Variants in PPP4R3A observed in about 807,000 individuals in gnomAD.
The protein encoded by PPP4R3A is protein phosphatase 4 regulatory subunit 3A, also known as serine/threonine-protein phosphatase 4 regulatory subunit 3A.
PPP4R3A carries 15 observed loss-of-function variants against 91.7 expected under a neutral mutation model. The ratio of observed to expected loss-of-function variants is 0.16; its 90% confidence interval spans 0.11 to 0.25. The LOEUF is 0.25. PPP4R3A is among the 10% of genes least tolerant of loss of function. The probability of loss-of-function intolerance (pLI) is 1.00; values close to 1 mark genes in which losing one functional copy is unlikely to be tolerated. For missense variants in PPP4R3A, 623 were observed against 998.4 expected (o/e 0.62, Z 5.07); for synonymous variants, 377 against 348.7 (o/e 1.08, Z -0.91).
At chr14:91,488,938 C>T (rs977185905) in intron 2 of PPP4R3A, among the ~76,000 whole-genome samples, 1 of 133,904 alleles carries the variant, frequency 7.5e-6, no homozygotes, top group African/African-American at 2.9e-5. Flanking sequence ...GATGGAGTCT[C>T]GCTCTGTCGC....
At position 91,477,718 on chromosome 14, in the gene PPP4R3A, G is replaced by A. The variant is rs566982444; in HGVS notation, c.916-732C>T. On this transcript the variant is annotated intron_variant, in intron 4 of 14. Transcript: ENST00000554943. ...AGGTAGAGCACAGTGGTGCCATCTCGGCTCACTGCAACCTCCGCCTCCCAG... is the reference window on the plus strand; with the variant it reads ...AGGTAGAGCACAGTGGTGCCATCTCAGCTCACTGCAACCTCCGCCTCCCAG... 3.9e-5 allele frequency among the ~76,000 whole-genome samples: 6 copies of A among 152,184 alleles called. No individual in the cohort carries two copies. The South Asian group carries it at 1.2e-3, about 32-fold the overall frequency.
chr14:91,507,434 A>ATTATATATACTATAG (rs1566660404), intron 1 of PPP4R3A, among the ~76,000 whole-genome samples: 994 of 80,712 alleles, frequency 0.012, 97 homozygotes, highest in African/African-American at 0.047. Flanking sequence ...ATATACTATA[A>ATTATATATACTATAG]TTATATATAC....
chr14:91,461,646 TTC>T, intron 13 of PPP4R3A, 39 bp from the exon 14 acceptor site: 3 of 1,580,958 alleles, frequency 1.9e-6, no homozygotes, highest in South Asian at 1.1e-5. Context: ...TCCCCCATAC[TTC>T]TTTTTTAAAT....
At chr14:91,476,648 C>A in intron 5 of PPP4R3A, 124 bp from the exon 6 acceptor site, 1 of 712,620 alleles carries the variant, frequency 1.4e-6, no homozygotes, top group South Asian at 2.0e-5. Flanking sequence ...TCACTGCAAC[C>A]TCCACCTCCC....
rs1315914514 is a variant in PPP4R3A, at chr14:91,507,435, TTATATATACTATATAG to T, written c.142+2055_142+2070del. 8.6e-3 allele frequency among the ~76,000 whole-genome samples: 1,076 copies of T among 124,496 alleles called. 65 individuals are homozygous for T. The highest frequency in any genetic ancestry group is 0.038 in the African/African-American group (1,009 of 26,380). The allele number at this position is 124,496 out of a possible 152,430, so 81.7% of individuals were successfully genotyped here. A position where few individuals can be genotyped will look rare whatever the true frequency, so the allele number is the denominator to read the frequency against. On this transcript the variant is annotated intron_variant, in intron 1 of 14. Coordinates refer to ENST00000554943, the MANE Select transcript of PPP4R3A (RefSeq NM_001366432.2). ...ATACTATATAATATATATACTATAA[TTATATATACTATATAG>T]TATATATACTATAATTATATATACT...
chr14:91,505,298 C>A (rs977492387), intron 1 of PPP4R3A, among the ~76,000 whole-genome samples: 20 of 152,036 alleles, frequency 1.3e-4, no homozygotes, highest in Non-Finnish European at 2.9e-5. Context: ...ACTAAAAACA[C>A]AAAAATTAGC....
chr14:91,462,669 A>G (rs1398946695), intron 12 of PPP4R3A, 66 bp downstream of exon 12: 1 of 1,563,538 alleles, frequency 6.4e-7, no homozygotes, highest in African/African-American at 1.4e-5. Flanking sequence ...AATATCAAAT[A>G]AACAATAAAG....
intron 1 of PPP4R3A, among the ~76,000 whole-genome samples, chr14:91,492,653 T>C (rs1890296221): frequency 6.6e-6 from 1 of 152,232 alleles, no homozygotes; most frequent in African/African-American, 2.4e-5. Flanking sequence ...TTAAGGTAAC[T>C]AAACATTCAC....
intron 10 of PPP4R3A, among the ~76,000 whole-genome samples, chr14:91,467,520 AATG>A (rs1380316530): frequency 6.6e-6 from 1 of 152,228 alleles, no homozygotes; most frequent in Non-Finnish European, 1.5e-5. Flanking sequence ...CCTTGTAACT[AATG>A]ATAATTGAAT....
chr14:91,478,213 G>A (rs1889326248), intron 4 of PPP4R3A, among the ~76,000 whole-genome samples: 4 of 152,092 alleles, frequency 2.6e-5, no homozygotes, highest in Admixed American at 2.0e-4. Flanking sequence ...CTACCCAAAT[G>A]GCATCCAATT....
At chr14:91,495,302 ATGTGTGTG>A (rs60663799) in intron 1 of PPP4R3A, among the ~76,000 whole-genome samples, 2 of 140,870 alleles carry the variant, frequency 1.4e-5, no homozygotes, top group African/African-American at 2.6e-5. Context: ...CAGATACATA[ATGTGTGTG>A]TGTGTGTGTG....
chr14:91,476,523 ACCTG>A lies in PPP4R3A; in HGVS notation c.994-3_994del, dbSNP rs1405191477. On this transcript the variant is annotated splice_acceptor_variant and splice_polypyrimidine_tract_variant and coding_sequence_variant and intron_variant, in exon 6 of 15. Coordinates refer to ENST00000554943, the MANE Select transcript of PPP4R3A (RefSeq NM_001366432.2). LOFTEE classifies it high-confidence loss of function. ...CGCACAAAATTCTTTTAAAAAGTTA[ACCTG>A]AAATTAGAAAAAAGGATAAGTGATA... 1.3e-6 allele frequency: 2 copies of A among 1,559,180 alleles called. No individual in the cohort carries two copies. The highest frequency in any genetic ancestry group is 8.7e-7 in the Non-Finnish European group (1 of 1,147,016).
chr14:91,505,820 T>G (rs187209121), intron 1 of PPP4R3A, among the ~76,000 whole-genome samples: 519 of 152,250 alleles, frequency 3.4e-3, no homozygotes, highest in Non-Finnish European at 5.9e-3. Context: ...ATTTTGCTCA[T>G]GACAACAAAA....
chr14:91,495,997 G>A (rs900736362), intron 1 of PPP4R3A, among the ~76,000 whole-genome samples: 4 of 152,112 alleles, frequency 2.6e-5, no homozygotes, highest in Non-Finnish European at 4.4e-5. Context: ...TGGATACCAC[G>A]AACAATGTTA....
rs201007128 is a variant in PPP4R3A at position 91,473,313 on chromosome 14, G to A, written c.1324C>T (p.Leu442Phe). 6.2e-7 allele frequency: 1 copy of A among 1,614,098 alleles called. No individual in the cohort carries two copies. Among genetic ancestry groups the A allele is most frequent in the African/African-American group, 1.3e-5 (1 of 75,038 alleles). ...CCCATAAGCTGGACTGCTCCTCCAA[G>A]TTCAGGATCTGTATCACAAATCATA... ...EHMICDTDPE[L>F]GGAVQLMGLL... is the part of the protein sequence containing the mutation. Residue 442 changes from leucine to phenylalanine, a missense_variant, in exon 8 of 15, where the codon CTT becomes TTT. Physicochemically the swap from Leu to Phe is conservative, Grantham distance 22. Transcript: ENST00000554943.
In PPP4R3A at chr14:91,481,680, G is replaced by T. The variant is rs2140113876; in HGVS notation, c.811C>A (p.Gln271Lys). The T allele has an allele frequency of 6.2e-7, 1 of 1,613,930 alleles. No individual in the cohort carries two copies. The highest frequency in any genetic ancestry group is 2.2e-5 in the East Asian group (1 of 44,854). ...IHQTYRVQYI[Q>K]DMVLPTPSVF... ...GAAGGAGTTGGTAGAACCATATCTT[G>T]TATATACTGAACTCTGTATGTCTGA... Residue 271 changes from glutamine (Q) to lysine (K), a missense_variant, in exon 4 of 15, where the codon CAA becomes AAA. By Grantham distance (53) the Gln-to-Lys change is moderately conservative (BLOSUM62 1). This residue lies in a region of PPP4R3A where 264 missense variants were observed against 377.3 expected (regional missense o/e 0.70). Transcript: ENST00000554943.
chr14:91,471,173 C>CT (rs772523489), intron 9 of PPP4R3A, among the ~76,000 whole-genome samples, 178 bp from the exon 10 acceptor site: 4 of 152,098 alleles, frequency 2.6e-5, no homozygotes, highest in East Asian at 1.9e-4. Context: ...TGGTGCTTTA[C>CT]TTTTTTTTAT....
Position 91,466,205 on chromosome 14 carries a change from A to G in PPP4R3A, c.1661-786T>C, listed in dbSNP as rs74913660. On this transcript the variant is annotated intron_variant, in intron 10 of 14. Coordinates refer to ENST00000554943, the MANE Select transcript of PPP4R3A (RefSeq NM_001366432.2). ...ACAAAGCCCTCTTTACCTAAATGGA[A>G]TTATCAGTAAGTTAATGCCCCAGTT... The G allele has an allele frequency of 2.2e-3, 2,204 of 984,162 alleles. 44 individuals carry two copies. In the African/African-American group the frequency reaches 0.037, roughly 16 times the overall value. The allele number at this position is 984,162 out of a possible 1,614,324, so 61.0% of individuals were successfully genotyped here.
intron 3 of PPP4R3A, among the ~76,000 whole-genome samples, chr14:91,484,489 C>T (rs962237300): frequency 3.3e-5 from 5 of 152,196 alleles, no homozygotes; most frequent in African/African-American, 7.2e-5. Context: ...CGAACTAGAA[C>T]AGCAGAGGTG....
Sources: allele counts gnomAD v4.1 joint callset (sites outside exome capture counted in the v4.1 genomes callset), GRCh38; gene constraint gnomAD v4.1.1; regional missense constraint gnomAD v4.1.1; transcripts MANE v1.5; gene names NCBI Gene and HGNC (gene_info 2026-07-23, HGNC 2026-07-21).